Variants in FHIT observed in about 807,000 individuals in gnomAD.
The protein encoded by FHIT is fragile histidine triad diadenosine triphosphatase, also known as bis(5'-adenosyl)-triphosphatase.
A neutral mutation model predicts 17.9 loss-of-function variants in FHIT; 19 were observed. The observed-to-expected ratio is 1.06, with a 90% CI of 0.74 to 1.56. The LOEUF is 1.56. FHIT is among the 40% of genes most tolerant of loss of function. FHIT has a pLI of 0.00. For synonymous variants in FHIT, 81 were observed against 69.7 expected, an observed-to-expected ratio of 1.16 and a Z score of -0.81; for missense variants, 248 against 189.2, an observed-to-expected ratio of 1.31 and a Z score of -1.82.
At chr3:60,642,100 A>ATC (rs144462626) in intron 4 of FHIT, among the ~76,000 whole-genome samples, 6 of 151,594 alleles carry the variant, frequency 4.0e-5, no homozygotes, top group Admixed American at 6.6e-5. Flanking sequence ...AACATCCCCC[A>ATC]TCTCTCTCTC....
At chr3:60,617,753 G>A (rs1231686141) in intron 4 of FHIT, 1 of 153,544 alleles carries the variant, frequency 6.5e-6, no homozygotes, top group Non-Finnish European at 1.4e-5. Context: ...GGGAAAAAAA[G>A]TTATCCAGAT....
chr3:60,644,429 C>T (rs535086738), intron 4 of FHIT, among the ~76,000 whole-genome samples: 2 of 152,244 alleles, frequency 1.3e-5, no homozygotes, highest in East Asian at 3.9e-4. Flanking sequence ...AAAAATGGTT[C>T]TATTAATCTA....
At chr3:59,935,979 T>C (rs1483318061) in intron 7 of FHIT, among the ~76,000 whole-genome samples, 9 of 152,176 alleles carry the variant, frequency 5.9e-5, no homozygotes, top group Admixed American at 4.6e-4. Flanking sequence ...AAGTATCTTT[T>C]TACCAAAATG....
chr3:60,627,438 C>T (rs554737499), intron 4 of FHIT, among the ~76,000 whole-genome samples: 3 of 152,268 alleles, frequency 2.0e-5, no homozygotes, highest in East Asian at 3.9e-4. Context: ...TTATCCAATT[C>T]ATAGTCATAC....
chr3:60,050,586 C>T (rs1265393430), intron 5 of FHIT, among the ~76,000 whole-genome samples: 2 of 140,842 alleles, frequency 1.4e-5, no homozygotes, highest in Non-Finnish European at 3.1e-5. Flanking sequence ...ACCTCTACTG[C>T]AAGCCCTTTC....
intron 5 of FHIT, among the ~76,000 whole-genome samples, chr3:60,136,907 C>T (rs1699839468): frequency 6.6e-6 from 1 of 152,088 alleles, no homozygotes; most frequent in African/African-American, 2.4e-5. Flanking sequence ...CAGGACATGG[C>T]AAATAAAACC....
intron 5 of FHIT, among the ~76,000 whole-genome samples, chr3:60,528,116 G>T (rs2035641717): frequency 6.6e-6 from 1 of 152,168 alleles, no homozygotes; most frequent in Non-Finnish European, 1.5e-5. Context: ...TAGGACTACA[G>T]ATGCATGCCA....
intron 5 of FHIT, among the ~76,000 whole-genome samples, chr3:60,099,494 C>G (rs1704103456): frequency 6.6e-6 from 1 of 152,126 alleles, no homozygotes; most frequent in African/African-American, 2.4e-5. Context: ...GACTTTAGAG[C>G]TGGGCTGTTA....
chr3:60,543,559 G>C (rs2036255185), intron 4 of FHIT, among the ~76,000 whole-genome samples: 1 of 152,104 alleles, frequency 6.6e-6, no homozygotes, highest in South Asian at 2.1e-4. Context: ...TTCTATCTTA[G>C]ATTTATTCCT....
chr3:59,964,583 T>C (rs1406330534), intron 7 of FHIT, among the ~76,000 whole-genome samples: 1 of 152,074 alleles, frequency 6.6e-6, no homozygotes, highest in Non-Finnish European at 1.5e-5. Flanking sequence ...TATGTGGAAA[T>C]TATTTATCAC....
chr3:59,784,461 A>AAGCC (rs2106896134), intron 8 of FHIT, among the ~76,000 whole-genome samples: 1 of 152,348 alleles, frequency 6.6e-6, no homozygotes, highest in South Asian at 2.1e-4. Context: ...AAGGCCTAGA[A>AAGCC]AGCCATACAT....
At chr3:60,360,421 T>C (rs1456631540) in intron 5 of FHIT, among the ~76,000 whole-genome samples, 1 of 152,154 alleles carries the variant, frequency 6.6e-6, no homozygotes, top group Non-Finnish European at 1.5e-5. Flanking sequence ...AGAGTTCAGA[T>C]ACTAAATAGT....
At chr3:60,372,499 T>A (rs1431648640) in intron 5 of FHIT, among the ~76,000 whole-genome samples, 1 of 152,206 alleles carries the variant, frequency 6.6e-6, no homozygotes, top group Admixed American at 6.5e-5. Context: ...CTTCCTGGTT[T>A]CTTTTTCTTC....
At chr3:61,014,113 G>A (rs1156921617) in intron 3 of FHIT, among the ~76,000 whole-genome samples, 1 of 152,166 alleles carries the variant, frequency 6.6e-6, no homozygotes, top group Admixed American at 6.5e-5. Context: ...TACTCAAGCT[G>A]CACCACTATC....
intron 5 of FHIT, among the ~76,000 whole-genome samples, chr3:60,450,395 T>A (rs1388557841): frequency 6.6e-6 from 1 of 152,032 alleles, no homozygotes; most frequent in African/African-American, 2.4e-5. Flanking sequence ...CCCCAAGATA[T>A]AAATATGTAT....
intron 3 of FHIT, among the ~76,000 whole-genome samples, chr3:60,914,003 G>A (rs943605346): frequency 6.6e-6 from 1 of 152,214 alleles, no homozygotes; most frequent in African/African-American, 2.4e-5. Flanking sequence ...GCAAACAAAT[G>A]TCAAGGGGAG....
At chr3:61,109,655 C>T (rs781594579) in intron 2 of FHIT, among the ~76,000 whole-genome samples, 20 of 152,050 alleles carry the variant, frequency 1.3e-4, no homozygotes, top group Non-Finnish European at 2.6e-4. Flanking sequence ...GATAGGTGTT[C>T]AGCACAACAG....
At chr3:60,316,979 G>A (rs1709190660) in intron 5 of FHIT, among the ~76,000 whole-genome samples, 1 of 151,996 alleles carries the variant, frequency 6.6e-6, no homozygotes, top group Non-Finnish European at 1.5e-5. Context: ...CCAAGAACTA[G>A]GATTTTATTA....
At chr3:60,587,373 G>C (rs7638056) in intron 4 of FHIT, among the ~76,000 whole-genome samples, 58,049 of 151,778 alleles carry the variant, frequency 0.38, 11,315 homozygotes, top group South Asian at 0.62. Context: ...CAAGGGAAGA[G>C]AGAGCATTAG....
Sources: allele counts gnomAD v4.1 joint callset (sites outside exome capture counted in the v4.1 genomes callset), GRCh38; gene constraint gnomAD v4.1.1; transcripts MANE v1.5; gene names NCBI Gene and HGNC (gene_info 2026-07-23, HGNC 2026-07-21).